LOC400499: variants seen among roughly 807,000 people sequenced by gnomAD.
chr16:11,378,841 C>G, the LOC400499 span, among the ~76,000 whole-genome samples: 1 of 152,170 alleles, frequency 6.6e-6, no homozygotes. Flanking sequence ...TCCACGTGTA[C>G]TTTTGAAGAA....
the LOC400499 span, among the ~76,000 whole-genome samples, chr16:11,394,479 G>A: frequency 6.6e-6 from 1 of 152,218 alleles, no homozygotes; most frequent in Non-Finnish European, 1.5e-5. Flanking sequence ...CAGAACAATG[G>A]TTCACAAAAC....
At chr16:11,410,859 C>T in the LOC400499 span, among the ~76,000 whole-genome samples, 41 of 152,370 alleles carry the variant, frequency 2.7e-4, no homozygotes, top group Middle Eastern at 3.4e-3. Context: ...TGCACTCCTA[C>T]GACCCCTCAA....
the LOC400499 span, chr16:11,398,466 G>A: frequency 2.1e-5 from 26 of 1,232,148 alleles, 1 homozygote; most frequent in East Asian, 1.3e-4. Flanking sequence ...GTGCTCCAGC[G>A]TGGCCTCCAT....
At chr16:11,408,345 A>C in the LOC400499 span, among the ~76,000 whole-genome samples, 1 of 152,166 alleles carries the variant, frequency 6.6e-6, no homozygotes, top group African/African-American at 2.4e-5. Context: ...CCCTTGTCAA[A>C]AATGTTCAGC....
the LOC400499 span, among the ~76,000 whole-genome samples, chr16:11,463,990 T>C: frequency 6.6e-6 from 1 of 152,160 alleles, no homozygotes; most frequent in East Asian, 1.9e-4. Flanking sequence ...TGGATGTGTG[T>C]ATATGAATGT....
chr16:11,412,407 A>G, the LOC400499 span, among the ~76,000 whole-genome samples: 1 of 152,116 alleles, frequency 6.6e-6, no homozygotes, highest in Non-Finnish European at 1.5e-5. Flanking sequence ...CCTGGGGGGA[A>G]ACTCGCCCCT....
the LOC400499 span, chr16:11,399,882 T>C: frequency 3.5e-5 from 14 of 398,284 alleles, no homozygotes; most frequent in South Asian, 1.5e-3. Flanking sequence ...AGGTTAACGG[T>C]GTCCCCACAG....
the LOC400499 span, chr16:11,471,411 A>T: frequency 2.7e-6 from 1 of 367,992 alleles, no homozygotes; most frequent in South Asian, 1.5e-4. Flanking sequence ...GGGGTAACCA[A>T]GGCAGGCTTC....
the LOC400499 span, among the ~76,000 whole-genome samples, chr16:11,520,227 T>G: frequency 2.6e-5 from 4 of 152,154 alleles, no homozygotes; most frequent in African/African-American, 9.7e-5. Flanking sequence ...CTTAAGATGG[T>G]TGAAATGGTG....
At chr16:11,416,505 C>T in the LOC400499 span, among the ~76,000 whole-genome samples, 1 of 152,166 alleles carries the variant, frequency 6.6e-6, no homozygotes, top group Non-Finnish European at 1.5e-5. Context: ...GTTCATGCAC[C>T]CATTCGATAC....
the LOC400499 span, among the ~76,000 whole-genome samples, chr16:11,514,983 GA>G: frequency 2.0e-5 from 3 of 152,154 alleles, no homozygotes; most frequent in Admixed American, 6.5e-5. Context: ...CAGGGAGCTA[GA>G]GACAGAGGCG....
the LOC400499 span, among the ~76,000 whole-genome samples, chr16:11,407,687 G>C: frequency 6.6e-6 from 1 of 152,208 alleles, no homozygotes; most frequent in Non-Finnish European, 1.5e-5. Context: ...ATGCCTGGGT[G>C]CGTGTCAGCA....
At chr16:11,491,319 G>C in the LOC400499 span, among the ~76,000 whole-genome samples, 1 of 152,106 alleles carries the variant, frequency 6.6e-6, no homozygotes, top group Non-Finnish European at 1.5e-5. Context: ...ACTCCAGAAG[G>C]GATCTAGATT....
the LOC400499 span, chr16:11,425,262 G>A: frequency 2.8e-5 from 11 of 398,916 alleles, no homozygotes; most frequent in East Asian, 1.8e-4. Context: ...CAGGTTCCTC[G>A]TCTGGGCCTG....
At chr16:11,384,343 G>C in the LOC400499 span, 1 of 1,215,650 alleles carries the variant, frequency 8.2e-7, no homozygotes, top group Non-Finnish European at 1.0e-6. Context: ...GAAGAGGGAA[G>C]CGGAGGCCGG....
the LOC400499 span, among the ~76,000 whole-genome samples, chr16:11,483,782 G>A: frequency 6.6e-6 from 1 of 151,804 alleles, no homozygotes; most frequent in Admixed American, 6.6e-5. Flanking sequence ...AGCTGAGGTG[G>A]AAGGATTGTT....
chr16:11,447,100 A>C, the LOC400499 span, among the ~76,000 whole-genome samples: 2 of 152,040 alleles, frequency 1.3e-5, no homozygotes, highest in Non-Finnish European at 2.9e-5. Flanking sequence ...ACCCTTCACC[A>C]CCTCACTGTG....
At chr16:11,515,048 G>A in the LOC400499 span, among the ~76,000 whole-genome samples, 69 of 152,226 alleles carry the variant, frequency 4.5e-4, no homozygotes, top group African/African-American at 1.4e-3. Context: ...GCTCATTCCC[G>A]TAGTTCCAGC....
At chr16:11,398,616 G>T in the LOC400499 span, 1 of 869,664 alleles carries the variant, frequency 1.1e-6, no homozygotes, top group Non-Finnish European at 1.5e-6. Flanking sequence ...CCAGGAATGT[G>T]CCGTCAGAGC....
Sources: gnomAD v4.1 joint callset for allele counts (sites outside exome capture counted in the v4.1 genomes callset) on GRCh38, gnomAD v4.1.1 for gene constraint, MANE v1.5 for transcripts.